Variants in SARNP observed in about 807,000 individuals in gnomAD.
The protein encoded by SARNP is SAP domain-containing ribonucleoprotein.
Under a neutral mutation model 38.1 loss-of-function variants are expected in SARNP, and 5 were observed. That is an observed-to-expected ratio of 0.13 (90% CI 0.07 to 0.28). SARNP has a LOEUF of 0.28. Among genes scored for constraint, SARNP ranks in the 10% least tolerant of loss-of-function variants. The pLI is 1.00. For synonymous variants in SARNP, 84 were observed against 80.6 expected (o/e 1.04, Z -0.23); for missense variants, 180 against 243.9 (o/e 0.74, Z 1.75).
At chr12:55,787,908 C>T (rs1474713017) in intron 9 of SARNP, among the ~76,000 whole-genome samples, 1 of 152,102 alleles carries the variant, frequency 6.6e-6, no homozygotes, top group Non-Finnish European at 1.5e-5. Context: ...GCCACCACAC[C>T]CAGCTAATTT....
At chr12:55,779,425 C>T (rs142556353) in intron 9 of SARNP, among the ~76,000 whole-genome samples, 9 of 152,308 alleles carry the variant, frequency 5.9e-5, no homozygotes, top group African/African-American at 2.2e-4. Context: ...TAAGCCTAGG[C>T]ACTGCTGCTT....
intron 9 of SARNP, among the ~76,000 whole-genome samples, chr12:55,779,176 T>A (rs1185782603): frequency 6.6e-6 from 1 of 152,186 alleles, no homozygotes; most frequent in Non-Finnish European, 1.5e-5. Context: ...TCTTTCCTTG[T>A]TGGTTAATCT....
At chr12:55,777,369 CCTTTT>C (rs906188797) in intron 9 of SARNP, among the ~76,000 whole-genome samples, 20 of 151,622 alleles carry the variant, frequency 1.3e-4, no homozygotes, top group African/African-American at 4.4e-4. Context: ...AAAAACTTTT[CCTTTT>C]TTTTTTATTT....
At chr12:55,783,477 T>C (rs1879398587) in intron 9 of SARNP, among the ~76,000 whole-genome samples, 1 of 151,654 alleles carries the variant, frequency 6.6e-6, no homozygotes, top group Non-Finnish European at 1.5e-5. Context: ...CACCTTCCAT[T>C]AGCCTAAACC....
chr12:55,754,084 A>T (rs1878426264), downstream of SARNP: 1 of 152,246 alleles, frequency 6.6e-6, no homozygotes, highest in Non-Finnish European at 1.5e-5. Context: ...CAGTTCTATC[A>T]GCACACTGAC....
At chr12:55,801,707 T>C (rs575431148) in intron 2 of SARNP, among the ~76,000 whole-genome samples, 1 of 152,220 alleles carries the variant, frequency 6.6e-6, no homozygotes, top group East Asian at 1.9e-4. Context: ...AGCCTCCCCC[T>C]CCTGGGCTCA....
intron 1 of SARNP, among the ~76,000 whole-genome samples, chr12:55,812,211 G>A (rs1395462685): frequency 1.3e-5 from 2 of 151,950 alleles, no homozygotes; most frequent in African/African-American, 2.4e-5. Context: ...ATTCCTTCAC[G>A]TCCTTCAACT....
Position 55,789,147 on chromosome 12 carries a change from T to C in SARNP, c.433-4A>G, listed in dbSNP as rs536612431. 4.4e-6 allele frequency: 7 copies of C among 1,579,784 alleles called. No homozygotes were observed. The highest frequency in any genetic ancestry group is 2.2e-5 in the East Asian group (1 of 44,570). On this transcript the variant is annotated splice_polypyrimidine_tract_variant and splice_region_variant and intron_variant, in intron 8 of 10. Transcript: ENST00000336133. ...CCTTCAGCTTATCCAAGTTAACCTA[T>C]AAAAACATAGGGGAAAGAACATAGT...
intron 7 of SARNP, chr12:55,793,915 T>C (rs2136196926): frequency 5.8e-6 from 1 of 171,592 alleles, no homozygotes; most frequent in African/African-American, 2.4e-5. Context: ...AATAATGCTG[T>C]GATAATCCCT....
At chr12:55,764,531 CAAAAAAAA>C (rs1046165926) in intron 9 of SARNP, among the ~76,000 whole-genome samples, 1 of 65,230 alleles carries the variant, frequency 1.5e-5, no homozygotes, top group African/African-American at 5.8e-5. Context: ...AACTCCATTT[CAAAAAAAA>C]AAAAAAAAAG....
At chr12:55,764,488 G>A (rs1324598797) in intron 9 of SARNP, among the ~76,000 whole-genome samples, 2 of 145,244 alleles carry the variant, frequency 1.4e-5, no homozygotes, top group Non-Finnish European at 3.0e-5. Context: ...CCGAGATCTC[G>A]CCATTGCACT....
At chr12:55,783,001 C>T (rs1879383669) in intron 9 of SARNP, among the ~76,000 whole-genome samples, 1 of 152,020 alleles carries the variant, frequency 6.6e-6, no homozygotes. Context: ...GTCCTAGCTA[C>T]TCAGGAGGCT....
At position 55,767,686 on chromosome 12, in the gene SARNP, A is replaced by G. The variant is rs187514742; in HGVS notation, c.502-7046T>C. Among the ~76,000 whole-genome samples, 530 of 151,766 alleles carry G rather than the reference A, an allele frequency of 3.5e-3. 2 individuals carry two copies. The highest frequency in any genetic ancestry group is 0.012 in the African/African-American group (512 of 41,324). On this transcript the variant is annotated intron_variant, in intron 9 of 10. Coordinates refer to ENST00000336133, the MANE Select transcript of SARNP (RefSeq NM_033082.4). ...CACGGTGAAACCCCGTCTCTACTAA[A>G]TATACAAAAAATTAGCCAGGCATGG...
intron 9 of SARNP, among the ~76,000 whole-genome samples, chr12:55,776,193 C>T (rs1412017062): frequency 6.6e-6 from 1 of 152,110 alleles, no homozygotes; most frequent in East Asian, 1.9e-4. Context: ...GTCTGCAATC[C>T]AAGCACTTTG....
intron 1 of SARNP, chr12:55,815,909 ATC>A (rs1022846423): frequency 2.6e-5 from 4 of 152,250 alleles, no homozygotes; most frequent in Non-Finnish European, 4.4e-5. Flanking sequence ...TTTCAAAGAT[ATC>A]TGTGACCTCC....
chr12:55,774,595 A>AAAAAAAAAAAAAAAAAG, intron 9 of SARNP, among the ~76,000 whole-genome samples: 1 of 149,542 alleles, frequency 6.7e-6, no homozygotes, highest in Non-Finnish European at 1.5e-5. Flanking sequence ...AAAAAAAACA[A>AAAAAAAAAAAAAAAAAG]AAATTAGCCA....
At chr12:55,796,171 G>A in intron 4 of SARNP, 95 bp from the exon 5 acceptor site, 1 of 864,696 alleles carries the variant, frequency 1.2e-6, no homozygotes, top group Non-Finnish European at 1.9e-6. Context: ...ACCATTCTCT[G>A]CCCTATTATC....
At chr12:55,768,607 T>C (rs1878916431) in intron 9 of SARNP, among the ~76,000 whole-genome samples, 1 of 151,636 alleles carries the variant, frequency 6.6e-6, no homozygotes, top group African/African-American at 2.4e-5. Context: ...TTTGTATTTT[T>C]AGTAGAGACA....
chr12:55,817,697 G>A lies in SARNP; in HGVS notation c.5C>T (p.Ala2Val), dbSNP rs1379349489. 6.2e-7 allele frequency: 1 copy of A among 1,612,766 alleles called. No individual in the cohort carries two copies. The highest frequency in any genetic ancestry group is 8.5e-7 in the Non-Finnish European group (1 of 1,179,466). The change falls in exon 1 of 11, where the codon GCG (alanine) becomes GTG (valine). Residue 2 changes from alanine to valine, a missense_variant. Ala to Val is a moderately conservative substitution (Grantham distance 64). Transcript: ENST00000336133. M[A>V]TETVELHKLK... ...CTTATGGAGCTCCACCGTCTCGGTC[G>A]CCATCTTGTTACCCCTCACTCCACT...
Sources: gnomAD v4.1 joint callset for allele counts (sites outside exome capture counted in the v4.1 genomes callset) on GRCh38, gnomAD v4.1.1 for gene constraint, MANE v1.5 for transcripts, NCBI Gene and HGNC (gene_info 2026-07-23, HGNC 2026-07-21) for gene names.